The following C1orf185 variants were observed in gnomAD, a reference collection of about 807,000 sequenced individuals.
The protein encoded by C1orf185 is chromosome 1 open reading frame 185, also known as uncharacterized protein C1orf185.
In C1orf185, 13 loss-of-function variants were observed where a neutral mutation model predicts 16.1. That is an observed-to-expected ratio of 0.81 (90% CI 0.53 to 1.28). The LOEUF (loss-of-function observed/expected upper bound fraction) is 1.28, where lower values mean the gene tolerates loss of function less well. Among genes scored for constraint, C1orf185 ranks in the 50% most tolerant of loss-of-function variants. C1orf185 has a pLI of 0.00. For missense variants in C1orf185, 220 were observed against 225.2 expected (o/e 0.98, Z 0.15); for synonymous variants, 80 against 76.9 (o/e 1.04, Z -0.21).
intron 3 of C1orf185, among the ~76,000 whole-genome samples, chr1:51,120,269 G>A (rs1317107201): frequency 1.3e-5 from 2 of 152,166 alleles, no homozygotes; most frequent in African/African-American, 4.8e-5. Context: ...AACCACTGAA[G>A]GATTATAGTA....
chr1:51,113,733 T>C (rs915013375), intron 2 of C1orf185, among the ~76,000 whole-genome samples: 5 of 152,198 alleles, frequency 3.3e-5, no homozygotes, highest in Admixed American at 3.3e-4. Flanking sequence ...TTGCATTGTC[T>C]AATGTTTAAA....
rs540417602 is a variant in C1orf185, at chr1:51,135,192, A to G, written c.259-10532A>G. ...ATTCCTGGGATGCAAGGTTGGTTCA[A>G]CATACACAAATCAATAAATGTGATT... On this transcript the variant is annotated intron_variant, in intron 3 of 4. Coordinates refer to ENST00000371759, the MANE Select transcript of C1orf185 (RefSeq NM_001136508.2). 3.6e-3 allele frequency among the ~76,000 whole-genome samples: 549 copies of G among 152,378 alleles called. 4 individuals carry two copies. The highest frequency in any genetic ancestry group is 6.3e-3 in the Non-Finnish European group (428 of 68,042).
At chr1:51,149,327 A>G (rs1646419276), downstream of C1orf185, among the ~76,000 whole-genome samples, 1 of 152,146 alleles carries the variant, frequency 6.6e-6, no homozygotes, top group Non-Finnish European at 1.5e-5. Context: ...ACATAATAGC[A>G]TTACCCAGGC....
At chr1:51,151,343 T>C (rs1368386276), downstream of C1orf185, among the ~76,000 whole-genome samples, 3 of 152,170 alleles carry the variant, frequency 2.0e-5, no homozygotes, top group Non-Finnish European at 4.4e-5. Flanking sequence ...GGAATTATTA[T>C]ATCTTACGCA....
downstream of C1orf185, among the ~76,000 whole-genome samples, chr1:51,148,933 A>G (rs1445651248): frequency 6.6e-6 from 1 of 152,200 alleles, no homozygotes; most frequent in Admixed American, 6.5e-5. Context: ...CTGTCTCAAA[A>G]AAAAGAATTT....
intron 4 of C1orf185, among the ~76,000 whole-genome samples, chr1:51,146,363 G>A (rs1334542227): frequency 6.6e-6 from 1 of 151,414 alleles, no homozygotes; most frequent in Non-Finnish European, 1.5e-5. Context: ...GGAGGCTGGG[G>A]CAAGAGAATC....
intron 2 of C1orf185, among the ~76,000 whole-genome samples, chr1:51,115,273 G>A (rs528287082): frequency 3.3e-4 from 51 of 152,244 alleles, no homozygotes; most frequent in African/African-American, 1.1e-3. Flanking sequence ...AGATGGCAGA[G>A]GTTGCAGTGA....
chr1:51,140,860 CT>C (rs755179432), intron 3 of C1orf185, among the ~76,000 whole-genome samples: 11 of 152,034 alleles, frequency 7.2e-5, no homozygotes, highest in Non-Finnish European at 1.5e-4. Context: ...TTTTCTCTTC[CT>C]TTTTCACCCT....
downstream of C1orf185, among the ~76,000 whole-genome samples, chr1:51,151,019 A>T (rs1451110871): frequency 1.3e-5 from 2 of 152,212 alleles, no homozygotes; most frequent in Admixed American, 6.5e-5. Flanking sequence ...GAACATAGGC[A>T]ATCTGTTTCT....
chr1:51,147,475 G>A lies in C1orf185; in HGVS notation c.304G>A (p.Asp102Asn), dbSNP rs527525254. The A allele has an allele frequency of 6.6e-7, 1 of 1,523,392 alleles. No individual in the cohort carries two copies. The highest frequency in any genetic ancestry group is 1.4e-5 in the African/African-American group (1 of 71,604). The allele number at this position is 1,523,392 out of a possible 1,614,324, so 94.4% of individuals were successfully genotyped here. ...TAAATCTGTTTTTACAGCAATTAAA[G>A]ATCATTCTAAAGATGAACCCCAACT... Reference protein sequence around the residue: ...KEAAHIKAIKDHSKDEPQLAT... With the variant: ...KEAAHIKAIKNHSKDEPQLAT... The change falls in exon 5 of 5, where the codon GAT becomes AAT. Residue 102 changes from aspartate to asparagine, a missense_variant. Asp to Asn is a conservative substitution (Grantham distance 23). Transcript: ENST00000371759.
intron 2 of C1orf185, among the ~76,000 whole-genome samples, chr1:51,115,676 T>G (rs1212565875): frequency 1.3e-5 from 2 of 152,202 alleles, no homozygotes; most frequent in Non-Finnish European, 2.9e-5. Context: ...GAGTTCTGAT[T>G]TACACTTTTA....
intron 1 of C1orf185, among the ~76,000 whole-genome samples, chr1:51,104,451 C>A (rs948900497): frequency 6.6e-6 from 1 of 151,858 alleles, no homozygotes. Flanking sequence ...GAAGAAGGAC[C>A]TACAAATGCA....
chr1:51,145,799 G>A, intron 4 of C1orf185, 39 bp downstream of exon 4: 1 of 1,098,496 alleles, frequency 9.1e-7, no homozygotes, highest in Non-Finnish European at 1.2e-6. Flanking sequence ...AAATCTTAAT[G>A]AACTTTAGCA....
chr1:51,122,931 CT>C (rs1646208550), intron 3 of C1orf185, among the ~76,000 whole-genome samples: 1 of 152,154 alleles, frequency 6.6e-6, no homozygotes. Flanking sequence ...GCTCGATGGC[CT>C]GTCTTAGTCT....
chr1:51,126,255 G>T (rs1646239206), intron 3 of C1orf185, among the ~76,000 whole-genome samples: 1 of 152,100 alleles, frequency 6.6e-6, no homozygotes, highest in Non-Finnish European at 1.5e-5. Context: ...TAATTACATT[G>T]TTAGTTTTTA....
intron 3 of C1orf185, among the ~76,000 whole-genome samples, chr1:51,142,332 G>T (rs921056770): frequency 6.6e-6 from 1 of 152,044 alleles, no homozygotes; most frequent in Admixed American, 6.6e-5. Context: ...TGGCATTTTT[G>T]AAAGTCCACG....
Position 51,111,370 on chromosome 1 carries a change from C to CTTTTTTTTTTTTTTTTTTTTTTTTT in C1orf185, c.17-1091_17-1090insTTTTTTTTTTTTTTTTTTTTTTTTT, listed in dbSNP as rs35232347. Among the ~76,000 whole-genome samples, 35 of 114,416 alleles carry CTTTTTTTTTTTTTTTTTTTTTTTTT rather than the reference C, an allele frequency of 3.1e-4. 5 individuals are homozygous for CTTTTTTTTTTTTTTTTTTTTTTTTT. Among genetic ancestry groups the CTTTTTTTTTTTTTTTTTTTTTTTTT allele is most frequent in the African/African-American group, 6.6e-4 (18 of 27,348 alleles). 75.1% of individuals were successfully genotyped at this position (114,416 alleles called of 152,430 possible). ...ATATTGCTTTCATTTAGCTTTCTTTCTTTCTTTTTTTTTTTTTTTGAGAGA... is the reference window on the plus strand; with the variant it reads ...ATATTGCTTTCATTTAGCTTTCTTTCTTTTTTTTTTTTTTTTTTTTTTTTTTTTCTTTTTTTTTTTTTTTGAGAGA... On this transcript the variant is annotated intron_variant, in intron 1 of 4. Transcript: ENST00000371759.
chr1:51,116,557 G>A (rs1000391448), intron 2 of C1orf185, among the ~76,000 whole-genome samples: 10 of 151,904 alleles, frequency 6.6e-5, no homozygotes, highest in African/African-American at 9.7e-5. Flanking sequence ...TAGGTGATCC[G>A]CCCTCCTCGG....
chr1:51,147,719 C>G lies in C1orf185; in HGVS notation c.548C>G (p.Ser183Ter). ...PLMEKVFSYLSTISLEEGTES... is the reference protein window; with the variant it reads ...PLMEKVFSYL The stretch of plus-strand genomic sequence containing the variant: ...ATGGAAAAAGTATTTTCATACCTGT[C>G]AACCATTTCATTAGAAGAGGGTACT... Residue 183 changes from serine to a stop codon, truncating the protein, a stop_gained, in exon 5 of 5, where the codon TCA becomes TGA. Transcript: ENST00000371759. LOFTEE classifies it high-confidence loss of function. The G allele has an allele frequency of 6.4e-7, 1 of 1,550,718 alleles. No homozygotes were observed. Among genetic ancestry groups the G allele is most frequent in the Non-Finnish European group, 8.7e-7 (1 of 1,146,576 alleles).
Sources: allele counts gnomAD v4.1 joint callset (sites outside exome capture counted in the v4.1 genomes callset), GRCh38; gene constraint gnomAD v4.1.1; transcripts MANE v1.5; gene names NCBI Gene and HGNC (gene_info 2026-07-23, HGNC 2026-07-21).